The following DMD variants were observed in gnomAD, a reference collection of about 807,000 sequenced individuals.
The protein encoded by DMD is dystrophin, also known as mutant dystrophin.
Under a neutral mutation model 330.1 loss-of-function variants are expected in DMD, and 63 were observed. That is an observed-to-expected ratio of 0.19 (90% CI 0.16 to 0.24). DMD has a LOEUF of 0.24. DMD is among the 10% of genes least tolerant of loss of function. The probability of loss-of-function intolerance (pLI) is 1.00; values close to 1 mark genes in which losing one functional copy is unlikely to be tolerated. For missense variants in DMD, 3,344 were observed against 2,684.1 expected (o/e 1.25, Z -5.43); for synonymous variants, 1,223 against 959.8 (o/e 1.27, Z -5.07).
At chrX:31,767,266 C>T (rs1014999458) in intron 51 of DMD, among the ~76,000 whole-genome samples, 1 of 111,354 alleles carries the variant, frequency 9.0e-6, no homozygotes, top group Non-Finnish European at 1.9e-5. Context: ...GATTGTTGAT[C>T]GATGAAAGAG....
chrX:32,606,551 T>C (rs2056720364), intron 12 of DMD, among the ~76,000 whole-genome samples: 2 of 109,440 alleles, frequency 1.8e-5, no homozygotes, highest in African/African-American at 3.3e-5. Context: ...ATCCTAGTAC[T>C]GGGTATATAC....
chrX:32,563,137 G>T (rs775016601), intron 16 of DMD, among the ~76,000 whole-genome samples: 77 of 109,738 alleles, frequency 7.0e-4, no homozygotes, highest in Non-Finnish European at 1.3e-3. Context: ...TCAGGAGATC[G>T]AGACCACCCT....
chrX:31,381,481 T>G (rs771200575), intron 60 of DMD, among the ~76,000 whole-genome samples: 34 of 111,743 alleles, frequency 3.0e-4, no homozygotes, highest in South Asian at 3.8e-4. Context: ...CGCATATGCT[T>G]TCTGCTCCCC....
chrX:31,955,462 G>A (rs1247474835), intron 45 of DMD, among the ~76,000 whole-genome samples: 1 of 111,901 alleles, frequency 8.9e-6, no homozygotes, highest in African/African-American at 3.3e-5. Context: ...GGTTAGCCTT[G>A]GACATATATC....
intron 2 of DMD, among the ~76,000 whole-genome samples, chrX:32,880,173 G>T (rs966046480): frequency 5.7e-4 from 62 of 107,835 alleles, no homozygotes; most frequent in African/African-American, 2.1e-3. Flanking sequence ...CTCCATTACG[G>T]TCATGTCAAA....
rs765831632 is a variant in DMD at position 31,892,323 on chromosome X, G to A, written c.6913-16950C>T. Reference sequence around the variant, plus strand: ...AATACTATTATACCCTGTAAATTACGTGTAGCCTTGATGGGCATAGAACTT... The same window carrying A: ...AATACTATTATACCCTGTAAATTACATGTAGCCTTGATGGGCATAGAACTT... On this transcript the variant is annotated intron_variant, in intron 47 of 78. Coordinates refer to ENST00000357033, the MANE Select transcript of DMD (RefSeq NM_004006.3). Among the ~76,000 whole-genome samples, 54 of 111,285 alleles carry A rather than the reference G, an allele frequency of 4.9e-4. 2 individuals are homozygous for A. Among genetic ancestry groups the A allele is most frequent in the Admixed American group, 8.6e-4 (9 of 10,456 alleles).
rs145369660 is a variant in DMD at position 32,659,801 on chromosome X, C to T, written c.961-14649G>A. Among the ~76,000 whole-genome samples, 705 of 110,649 alleles carry T rather than the reference C, an allele frequency of 6.4e-3. 5 individuals carry two copies. The highest frequency in any genetic ancestry group is 0.022 in the African/African-American group (679 of 30,525). Reference sequence around the variant, plus strand: ...CTCCACTTGTTTATTTCACTTACTGCCTTCTTCAATGCAGTGTTGGCTTCC... The same window carrying T: ...CTCCACTTGTTTATTTCACTTACTGTCTTCTTCAATGCAGTGTTGGCTTCC... On this transcript the variant is annotated intron_variant, in intron 9 of 78. Coordinates refer to ENST00000357033, the MANE Select transcript of DMD (RefSeq NM_004006.3).
chrX:33,011,429 AATT>A (rs1382813186), intron 2 of DMD, among the ~76,000 whole-genome samples: 3 of 112,047 alleles, frequency 2.7e-5, no homozygotes, highest in African/African-American at 9.7e-5. Flanking sequence ...TCTTTCTTGA[AATT>A]GTCTCTGCGT....
At chrX:31,313,739 C>T (rs1236451345) in intron 62 of DMD, among the ~76,000 whole-genome samples, 1 of 109,884 alleles carries the variant, frequency 9.1e-6, no homozygotes, top group African/African-American at 3.3e-5. Flanking sequence ...TTTTAAGTAT[C>T]AATTCTCCCC....
At chrX:32,884,549 T>G (rs771497922) in intron 2 of DMD, among the ~76,000 whole-genome samples, 1 of 111,689 alleles carries the variant, frequency 9.0e-6, no homozygotes, top group Admixed American at 9.5e-5. Context: ...GACAGAAAAT[T>G]TGAACAAGTT....
In DMD at chrX:32,979,730, C is replaced by T. The variant is rs145686768; in HGVS notation, c.93+40409G>A. On this transcript the variant is annotated intron_variant, in intron 2 of 78. Coordinates refer to ENST00000357033, the MANE Select transcript of DMD (RefSeq NM_004006.3). ...CTGCTGGCTGTTGTAAAGGAGATTA[C>T]AGGATACCTGGAAGATATATAATGG... 7.4e-3 allele frequency among the ~76,000 whole-genome samples: 821 copies of T among 111,492 alleles called. 9 individuals carry two copies. The highest frequency in any genetic ancestry group is 0.025 in the African/African-American group (770 of 30,688).
rs1051305389 is a variant in DMD, at chrX:32,478,124, G to C, written c.2804-5815C>G. Among the ~76,000 whole-genome samples the C allele has an allele frequency of 8.1e-5, 9 of 111,477 alleles. No homozygotes were observed. The Admixed American group carries it at 8.7e-4, about 11-fold the overall frequency. On this transcript the variant is annotated intron_variant, in intron 21 of 78. Transcript: ENST00000357033. ...GATAGAAGCTGGAAAAGGCACCCAT[G>C]TAATCCATTTAGGGGGAGAAAGAGA...
At chrX:32,115,998 C>T (rs1416913852) in intron 44 of DMD, among the ~76,000 whole-genome samples, 1 of 111,858 alleles carries the variant, frequency 8.9e-6, no homozygotes, top group African/African-American at 3.3e-5. Flanking sequence ...CTCTATTTTT[C>T]TAAATTCTTC....
chrX:32,709,872 G>C (rs999956325), intron 7 of DMD, among the ~76,000 whole-genome samples: 1 of 111,424 alleles, frequency 9.0e-6, no homozygotes, highest in Admixed American at 9.6e-5. Context: ...ACTTCCTTTA[G>C]ATTGTTTTAC....
At chrX:31,861,583 GT>G (rs1435456379) in intron 48 of DMD, among the ~76,000 whole-genome samples, 15 of 64,220 alleles carry the variant, frequency 2.3e-4, no homozygotes, top group African/African-American at 9.8e-4. Flanking sequence ...GTATGCAACT[GT>G]AAAAAAAAAA....
intron 2 of DMD, among the ~76,000 whole-genome samples, chrX:32,870,979 A>AGAAAAAAAG (rs2082927496): frequency 3.6e-5 from 3 of 83,817 alleles, no homozygotes; most frequent in Middle Eastern, 6.1e-3. Flanking sequence ...AAAAAAAAAA[A>AGAAAAAAAG]AAAAAAAAAC....
In DMD at chrX:32,679,500, T is replaced by C. The variant is rs541024098; in HGVS notation, c.960+18370A>G. The stretch of plus-strand genomic sequence containing the variant: ...GTGAATGAACAAAATTGGCGAAAAA[T>C]TTTATGTCCGAAAGTTCTTAAAGTC... On this transcript the variant is annotated intron_variant, in intron 9 of 78. Coordinates refer to ENST00000357033, the MANE Select transcript of DMD (RefSeq NM_004006.3). Among the ~76,000 whole-genome samples the C allele has an allele frequency of 4.9e-4, 55 of 111,254 alleles. No homozygotes were observed. The South Asian group carries it at 0.02, about 40-fold the overall frequency.
intron 55 of DMD, among the ~76,000 whole-genome samples, chrX:31,598,166 A>G (rs995158274): frequency 9.1e-6 from 1 of 110,099 alleles, no homozygotes; most frequent in Non-Finnish European, 1.9e-5. Context: ...ACTGGAGTAC[A>G]GTAGCATAGT....
intron 50 of DMD, among the ~76,000 whole-genome samples, chrX:31,816,794 T>TCTCACACACACACACACACACACACACA (rs1556914952): frequency 1.2e-4 from 10 of 85,363 alleles, no homozygotes; most frequent in African/African-American, 2.3e-4. Flanking sequence ...CAAGATTCTG[T>TCTCACACACACACACACACACACACACA]CACACACACA....
Sources: gnomAD v4.1 joint callset for allele counts (sites outside exome capture counted in the v4.1 genomes callset) on GRCh38, gnomAD v4.1.1 for gene constraint, MANE v1.5 for transcripts, NCBI Gene and HGNC (gene_info 2026-07-23, HGNC 2026-07-21) for gene names.